ZBTB7C: variants seen among roughly 807,000 people sequenced by gnomAD.
ZBTB7C encodes the protein zinc finger and BTB domain-containing protein 7C.
In ZBTB7C, 8 loss-of-function variants were observed where a neutral mutation model predicts 25.7. That is an observed-to-expected ratio of 0.31 (90% confidence interval 0.18 to 0.56). The LOEUF (loss-of-function observed/expected upper bound fraction) is 0.56, where lower values mean the gene tolerates loss of function less well. ZBTB7C is among the 20% of genes least tolerant of loss of function. ZBTB7C has a pLI of 0.91. For missense variants in ZBTB7C, 824 were observed against 855.2 expected (o/e 0.96, Z 0.46); for synonymous variants, 394 against 369.0 (o/e 1.07, Z -0.78).
intron 3 of ZBTB7C, among the ~76,000 whole-genome samples, chr18:48,097,006 G>A (rs375320581): frequency 7.9e-5 from 12 of 152,182 alleles, no homozygotes; most frequent in South Asian, 2.1e-4. Flanking sequence ...AGGTATGGTC[G>A]CAGATACATG....
chr18:48,129,104 C>T (rs536373717), intron 3 of ZBTB7C, among the ~76,000 whole-genome samples: 3 of 151,908 alleles, frequency 2.0e-5, no homozygotes, highest in Non-Finnish European at 2.9e-5. Flanking sequence ...CCTGGATGGG[C>T]GGGTCTCAGC....
At chr18:48,127,233 A>G (rs1177621337) in intron 3 of ZBTB7C, among the ~76,000 whole-genome samples, 1 of 152,200 alleles carries the variant, frequency 6.6e-6, no homozygotes, top group Non-Finnish European at 1.5e-5. Context: ...CCCTGATTCC[A>G]GAGCCTATGT....
intron 1 of ZBTB7C, chr18:48,350,688 C>G (rs1598929804): frequency 6.6e-6 from 1 of 152,326 alleles, no homozygotes; most frequent in South Asian, 2.1e-4. Context: ...TGTCGCCCAC[C>G]ACCCAGTTCC....
intron 3 of ZBTB7C, among the ~76,000 whole-genome samples, chr18:48,107,019 G>C (rs901612789): frequency 6.6e-6 from 1 of 151,964 alleles, no homozygotes; most frequent in South Asian, 2.1e-4. Flanking sequence ...ACCAGGAAAC[G>C]AGTGGAGGTT....
At chr18:48,307,122 C>T (rs566035709) in intron 2 of ZBTB7C, among the ~76,000 whole-genome samples, 1 of 152,320 alleles carries the variant, frequency 6.6e-6, no homozygotes, top group East Asian at 1.9e-4. Context: ...AAGCCTCCAA[C>T]AATAGGCTGG....
At chr18:48,307,048 A>C (rs1005422466) in intron 2 of ZBTB7C, among the ~76,000 whole-genome samples, 1 of 152,270 alleles carries the variant, frequency 6.6e-6, no homozygotes, top group African/African-American at 2.4e-5. Flanking sequence ...CATGCCTGGC[A>C]TGAGAAACAA....
At chr18:48,116,023 G>A (rs777211838) in intron 3 of ZBTB7C, among the ~76,000 whole-genome samples, 6 of 151,784 alleles carry the variant, frequency 4.0e-5, no homozygotes, top group South Asian at 2.1e-4. Flanking sequence ...TATCCTTCGC[G>A]CCTATATATA....
intron 2 of ZBTB7C, among the ~76,000 whole-genome samples, chr18:48,247,222 C>T (rs62088929): frequency 0.051 from 7,798 of 152,234 alleles, 281 homozygotes; most frequent in Non-Finnish European, 0.076. Context: ...AATTCCTCTA[C>T]ATTCAGAATA....
chr18:48,070,082 T>C (rs1172778798), intron 3 of ZBTB7C, among the ~76,000 whole-genome samples: 1 of 152,154 alleles, frequency 6.6e-6, no homozygotes. Context: ...AGAAGTCAAA[T>C]CCAGGTCTCT....
intron 3 of ZBTB7C, among the ~76,000 whole-genome samples, chr18:48,139,620 C>G (rs2040279571): frequency 6.6e-6 from 1 of 152,096 alleles, no homozygotes; most frequent in African/African-American, 2.4e-5. Flanking sequence ...ACTCCTCCCT[C>G]CCCCTAATCA....
intron 3 of ZBTB7C, among the ~76,000 whole-genome samples, chr18:48,141,206 C>T (rs4338859): frequency 1.6e-3 from 232 of 149,648 alleles, no homozygotes; most frequent in Non-Finnish European, 2.7e-3. Context: ...AATTTCCCAG[C>T]CTGAAATGCT....
At chr18:48,257,906 C>A (rs1444518086) in intron 2 of ZBTB7C, among the ~76,000 whole-genome samples, 1 of 152,016 alleles carries the variant, frequency 6.6e-6, no homozygotes, top group Non-Finnish European at 1.5e-5. Context: ...TGGTAGCTTG[C>A]ACCTATAATC....
intron 3 of ZBTB7C, among the ~76,000 whole-genome samples, chr18:48,114,303 C>T (rs564271460): frequency 2.6e-5 from 4 of 152,184 alleles, no homozygotes; most frequent in South Asian, 2.1e-4. Flanking sequence ...CCAGGAGACA[C>T]GTAAAAGAAT....
chr18:48,409,981 GCGGTGCGGC>G (rs1243794821), upstream of ZBTB7C, among the ~76,000 whole-genome samples: 5,504 of 127,336 alleles, frequency 0.043, 323 homozygotes, highest in African/African-American at 0.18. Context: ...ACCCGGGGCA[GCGGTGCGGC>G]AGAGATGGGC....
intron 2 of ZBTB7C, among the ~76,000 whole-genome samples, chr18:48,205,968 C>T (rs1313783735): frequency 6.6e-6 from 1 of 152,172 alleles, no homozygotes; most frequent in Non-Finnish European, 1.5e-5. Context: ...CAAGAGAAGT[C>T]AGGCAGCAGC....
chr18:48,039,256 G>T (rs191061224), intron 4 of ZBTB7C, among the ~76,000 whole-genome samples: 32 of 152,272 alleles, frequency 2.1e-4, no homozygotes, highest in African/African-American at 7.2e-4. Context: ...TGATTGAGAG[G>T]ACCTACAGGC....
chr18:48,249,711 C>T (rs1253753002), intron 2 of ZBTB7C, among the ~76,000 whole-genome samples: 2 of 152,152 alleles, frequency 1.3e-5, no homozygotes, highest in Non-Finnish European at 2.9e-5. Flanking sequence ...CTTCCTGTGC[C>T]TGAAGTAATA....
At chr18:48,350,344 T>G (rs947625888) in intron 1 of ZBTB7C, among the ~76,000 whole-genome samples, 11 of 152,194 alleles carry the variant, frequency 7.2e-5, no homozygotes, top group Non-Finnish European at 1.3e-4. Context: ...TCGTCAAAGC[T>G]AGAAGCATAG....
chr18:48,158,993 A>C (rs897691579), intron 3 of ZBTB7C, among the ~76,000 whole-genome samples: 4 of 152,084 alleles, frequency 2.6e-5, no homozygotes, highest in Non-Finnish European at 5.9e-5. Context: ...GTAGGGGAAG[A>C]GGATGAAGGC....
Sources: allele counts gnomAD v4.1 joint callset (sites outside exome capture counted in the v4.1 genomes callset), GRCh38; gene constraint gnomAD v4.1.1; transcripts MANE v1.5; gene names NCBI Gene and HGNC (gene_info 2026-07-23, HGNC 2026-07-21).